DCHS2: variants seen among roughly 807,000 people sequenced by gnomAD.
DCHS2 encodes the protein dachsous cadherin-related 2.
A neutral mutation model predicts 182.4 loss-of-function variants in DCHS2; 142 were observed. That is an observed-to-expected ratio of 0.78 (90% CI 0.68 to 0.89). The LOEUF (loss-of-function observed/expected upper bound fraction) is 0.89. DCHS2 is among the 40% of genes least tolerant of loss of function. DCHS2 has a pLI of 0.00. For synonymous variants in DCHS2, 1,740 were observed against 1,663.3 expected (o/e 1.05, Z -1.12); for missense variants, 4,319 against 4,198.6 (o/e 1.03, Z -0.79).
chr4:154,292,121 T>C (rs1413821264), intron 13 of DCHS2, among the ~76,000 whole-genome samples: 1 of 152,170 alleles, frequency 6.6e-6, no homozygotes, highest in Non-Finnish European at 1.5e-5. Flanking sequence ...TTTTTTGAAA[T>C]GTAAAAAAAC....
rs1193518771 is a variant in DCHS2, at chr4:154,378,550, A to AAGGAAGGC, written c.2053-1107_2053-1106insGCCTTCCT. Reference sequence around the variant, plus strand: ...GAAGGAAGGAAGGAAGGAAGGAAGGAAGGAAGGAAGGAAGGTAGGAAGGAT... The same window carrying AAGGAAGGC: ...GAAGGAAGGAAGGAAGGAAGGAAGGAAGGAAGGCAGGAAGGAAGGAAGGTAGGAAGGAT... On this transcript the variant is annotated intron_variant, in intron 1 of 19. Transcript: ENST00000357232. Among the ~76,000 whole-genome samples, 3 of 151,172 alleles carry AAGGAAGGC rather than the reference A, an allele frequency of 2.0e-5. No individual in the cohort carries two copies. The East Asian group carries it at 5.9e-4, about 30-fold the overall frequency.
At position 154,378,520 on chromosome 4, in the gene DCHS2, A is replaced by AGAAGGAAGGAAGGAAGGAAGGAAGGAAG. The variant is rs70947162; in HGVS notation, c.2053-1104_2053-1077dup. ...GGGTGGGAAGGAAGGAAGGAAGGAA[A>AGAAGGAAGGAAGGAAGGAAGGAAGGAAG]GAAGGAAGGAAGGAAGGAAGGAAGG... On this transcript the variant is annotated intron_variant, in intron 1 of 19. Transcript: ENST00000357232. 7.3e-4 allele frequency among the ~76,000 whole-genome samples: 47 copies of AGAAGGAAGGAAGGAAGGAAGGAAGGAAG among 64,108 alleles called. No individual in the cohort carries two copies. In the South Asian group the frequency reaches 0.011, roughly 15 times the overall value. The allele number at this position is 64,108 out of a possible 152,430, so 42.1% of individuals were successfully genotyped here.
intron 3 of DCHS2, among the ~76,000 whole-genome samples, chr4:154,344,291 A>G (rs1729254124): frequency 6.6e-6 from 1 of 152,226 alleles, no homozygotes; most frequent in South Asian, 2.1e-4. Context: ...AACACTAATA[A>G]ATTTGCTTGA....
chr4:154,469,066 T>A (rs1336705082), intron 1 of DCHS2, among the ~76,000 whole-genome samples: 1 of 152,166 alleles, frequency 6.6e-6, no homozygotes, highest in Non-Finnish European at 1.5e-5. Flanking sequence ...TTGAGAATTA[T>A]ACCTCGATAA....
intron 3 of DCHS2, among the ~76,000 whole-genome samples, chr4:154,337,239 T>C (rs1402755015): frequency 1.3e-5 from 2 of 152,168 alleles, no homozygotes; most frequent in African/African-American, 2.4e-5. Flanking sequence ...AAAGTCCCCC[T>C]ACCCCAAACA....
intron 1 of DCHS2, among the ~76,000 whole-genome samples, chr4:154,451,200 G>C (rs1355910580): frequency 2.0e-5 from 3 of 152,192 alleles, no homozygotes; most frequent in African/African-American, 7.2e-5. Flanking sequence ...CAGGGATACT[G>C]TCTGGAGCCT....
chr4:154,348,751 T>A (rs1253629352), intron 3 of DCHS2, among the ~76,000 whole-genome samples: 2 of 151,898 alleles, frequency 1.3e-5, no homozygotes, highest in Non-Finnish European at 2.9e-5. Flanking sequence ...AAGAAACTAA[T>A]CCTGTTGACA....
At chr4:154,252,472 G>A (rs79752694) in intron 16 of DCHS2, among the ~76,000 whole-genome samples, 3 of 151,618 alleles carry the variant, frequency 2.0e-5, no homozygotes, top group Non-Finnish European at 4.4e-5. Context: ...ATTCCCACTT[G>A]CCCTCAATCC....
At position 154,354,440 on chromosome 4, in the gene DCHS2, C is replaced by T. The variant is rs944233694; in HGVS notation, c.2476+11770G>A. Among the ~76,000 whole-genome samples, 7 of 152,292 alleles carry T rather than the reference C, an allele frequency of 4.6e-5. No homozygotes were observed. The South Asian group carries it at 1.0e-3, about 23-fold the overall frequency. Reference sequence around the variant, plus strand: ...TAAAATTAAGAAATTATGTATAGCTCATCCTTTCATTAATAAATCCAATTC... The same window carrying T: ...TAAAATTAAGAAATTATGTATAGCTTATCCTTTCATTAATAAATCCAATTC... On this transcript the variant is annotated intron_variant, in intron 3 of 19. Transcript: ENST00000357232.
intron 15 of DCHS2, among the ~76,000 whole-genome samples, chr4:154,256,454 G>A (rs1309414221): frequency 6.6e-6 from 1 of 151,978 alleles, no homozygotes; most frequent in Non-Finnish European, 1.5e-5. Flanking sequence ...CATTTTAAAG[G>A]GATCATTAAA....
At chr4:154,423,824 T>A (rs1733208711) in intron 1 of DCHS2, among the ~76,000 whole-genome samples, 1 of 152,216 alleles carries the variant, frequency 6.6e-6, no homozygotes, top group Admixed American at 6.5e-5. Context: ...CACTTGGGGA[T>A]CTTGGTAAAG....
chr4:154,298,189 G>T lies in DCHS2; in HGVS notation c.6125C>A (p.Pro2042His). The change falls in exon 13 of 20, where the codon CCT becomes CAT. Residue 2042 changes from proline (P) to histidine (H), a missense_variant. By Grantham distance (77) the Pro-to-His change is moderately conservative (BLOSUM62 -2). Transcript: ENST00000357232. ...NDNDPVLEQN[P>H]FDVFLSPESP... is the part of the protein sequence containing the mutation. Reference sequence around the variant, plus strand: ...CTCGGGGGAAAGAAACACATCAAAAGGGTTCTGTTCCAAAACTGGATCATT... The same window carrying T: ...CTCGGGGGAAAGAAACACATCAAAATGGTTCTGTTCCAAAACTGGATCATT... 6.2e-7 allele frequency: 1 copy of T among 1,614,086 alleles called. No homozygotes were observed. Among genetic ancestry groups the T allele is most frequent in the Non-Finnish European group, 8.5e-7 (1 of 1,179,994 alleles).
chr4:154,417,648 G>A (rs963629015), intron 1 of DCHS2, among the ~76,000 whole-genome samples: 1 of 152,152 alleles, frequency 6.6e-6, no homozygotes, highest in Non-Finnish European at 1.5e-5. Context: ...CTGAAATTCA[G>A]ATTTCACTGA....
At chr4:154,367,629 G>C (rs887283396) in intron 2 of DCHS2, among the ~76,000 whole-genome samples, 2 of 152,114 alleles carry the variant, frequency 1.3e-5, no homozygotes, top group Non-Finnish European at 2.9e-5. Flanking sequence ...GTTTCTATCT[G>C]GTACATTTTG....
chr4:154,388,533 C>T (rs144747937), intron 1 of DCHS2, among the ~76,000 whole-genome samples: 316 of 134,686 alleles, frequency 2.3e-3, no homozygotes, highest in African/African-American at 7.7e-3. Flanking sequence ...CTCCCTCTGT[C>T]GCCCAGGCTG....
At chr4:154,268,661 CATGTGT>C in intron 14 of DCHS2, among the ~76,000 whole-genome samples, 1 of 152,180 alleles carries the variant, frequency 6.6e-6, no homozygotes, top group Admixed American at 6.5e-5. Flanking sequence ...AGATGGGTGG[CATGTGT>C]ATGGGTTTTT....
chr4:154,343,309 C>G (rs1047687116), intron 3 of DCHS2, among the ~76,000 whole-genome samples: 3 of 152,158 alleles, frequency 2.0e-5, no homozygotes, highest in African/African-American at 7.2e-5. Context: ...CTTAAAGTCA[C>G]CAGCTGCATT....
intron 1 of DCHS2, among the ~76,000 whole-genome samples, chr4:154,430,330 G>A (rs1733507444): frequency 6.6e-6 from 1 of 152,066 alleles, no homozygotes; most frequent in African/African-American, 2.4e-5. Flanking sequence ...CTTCTGACAG[G>A]CTAAGATCAA....
chr4:154,419,498 A>G (rs1251285240), intron 1 of DCHS2, among the ~76,000 whole-genome samples: 4 of 151,864 alleles, frequency 2.6e-5, no homozygotes, highest in Non-Finnish European at 5.9e-5. Flanking sequence ...TAAAAATACA[A>G]AAGTTAGCCG....
Sources: allele counts gnomAD v4.1 joint callset (sites outside exome capture counted in the v4.1 genomes callset), GRCh38; gene constraint gnomAD v4.1.1; transcripts MANE v1.5; gene names NCBI Gene and HGNC (gene_info 2026-07-23, HGNC 2026-07-21).